Variants in ZNF385D observed in about 807,000 individuals in gnomAD.
ZNF385D encodes zinc finger protein 385D.
ZNF385D carries 15 observed loss-of-function variants against 35.8 expected under a neutral mutation model. The observed-to-expected ratio is 0.42, with a 90% CI of 0.28 to 0.64. ZNF385D has a LOEUF of 0.64. Ranked by LOEUF, ZNF385D falls within the 30% of genes least tolerant of loss-of-function variation. The probability of loss-of-function intolerance (pLI) is 0.23; values close to 1 mark genes in which losing one functional copy is unlikely to be tolerated. For synonymous variants in ZNF385D, 212 were observed against 186.8 expected (o/e 1.13, Z -1.10); for missense variants, 474 against 494.6 (o/e 0.96, Z 0.39).
At chr3:22,029,442 G>GA (rs1020504985) in intron 3 of ZNF385D, among the ~76,000 whole-genome samples, 9 of 152,260 alleles carry the variant, frequency 5.9e-5, no homozygotes, top group Admixed American at 1.3e-4. Flanking sequence ...ACTCCAGCAG[G>GA]AAAAAACCCG....
rs183714543 is a variant in ZNF385D, at chr3:22,112,046, C to T, written c.325+56771G>A. ...CTGCTCTACTCTAATCTTAAAGGAC[C>T]ACAACAAAATTTACTTTACTTGAGC... On this transcript the variant is annotated intron_variant, in intron 3 of 5. Coordinates refer to the ZNF385D transcript ENST00000494108. Among the ~76,000 whole-genome samples the T allele has an allele frequency of 1.3e-3, 192 of 152,162 alleles. 1 individual carries two copies. In the Middle Eastern group the frequency reaches 0.014, roughly 11 times the overall value.
Position 21,684,214 on chromosome 3 carries a change from C to T in ZNF385D, c.23-19186G>A, listed in dbSNP as rs758792468. 1.9e-4 allele frequency among the ~76,000 whole-genome samples: 28 copies of T among 148,958 alleles called. 1 individual carries two copies. Among genetic ancestry groups the T allele is most frequent in the Middle Eastern group, 6.8e-3 (2 of 292 alleles). On this transcript the variant is annotated intron_variant, in intron 1 of 7. Transcript: ENST00000281523. ...CTCCTGGCCCCTTTAGTTTATAAAG[C>T]GCCATGTTTAGGAGTTGTCTCTCTT...
At chr3:21,937,569 T>C (rs1466241588) in intron 3 of ZNF385D, among the ~76,000 whole-genome samples, 1 of 152,200 alleles carries the variant, frequency 6.6e-6, no homozygotes, top group Non-Finnish European at 1.5e-5. Flanking sequence ...CTTCTCACTA[T>C]TGTTTGAATT....
At chr3:22,044,176 A>G (rs1396127416) in intron 3 of ZNF385D, among the ~76,000 whole-genome samples, 1 of 151,964 alleles carries the variant, frequency 6.6e-6, no homozygotes, top group Non-Finnish European at 1.5e-5. Flanking sequence ...GGATAGTCAC[A>G]AAAGTACTCC....
At chr3:22,092,398 G>C (rs566133874) in intron 3 of ZNF385D, among the ~76,000 whole-genome samples, 1 of 152,162 alleles carries the variant, frequency 6.6e-6, no homozygotes, top group East Asian at 1.9e-4. Context: ...GCCAGCTCCA[G>C]GTATCCAGAC....
chr3:21,841,477 G>A (rs2673522), intron 3 of ZNF385D, among the ~76,000 whole-genome samples: 1 of 151,638 alleles, frequency 6.6e-6, no homozygotes, highest in African/African-American at 2.4e-5. Context: ...ATCTTCCCAC[G>A]GAGCATTCTA....
At chr3:22,211,162 A>G (rs1697493776) in intron 2 of ZNF385D, among the ~76,000 whole-genome samples, 1 of 151,948 alleles carries the variant, frequency 6.6e-6, no homozygotes, top group South Asian at 2.1e-4. Flanking sequence ...GAGATTATAA[A>G]TTTCTCAAAA....
intron 2 of ZNF385D, among the ~76,000 whole-genome samples, chr3:22,278,686 ACTT>A: frequency 6.6e-6 from 1 of 151,960 alleles, no homozygotes; most frequent in South Asian, 2.1e-4. Context: ...GACACTCTCC[ACTT>A]CTTTTTCATT....
At chr3:21,767,150 T>C (rs1005752868) in intron 3 of ZNF385D, among the ~76,000 whole-genome samples, 2 of 151,316 alleles carry the variant, frequency 1.3e-5, no homozygotes, top group East Asian at 2.0e-4. Context: ...GCAAATATTG[T>C]CAATTGAGAG....
chr3:21,742,210 T>C (rs2069548979), intron 1 of ZNF385D, among the ~76,000 whole-genome samples: 1 of 152,206 alleles, frequency 6.6e-6, no homozygotes, highest in African/African-American at 2.4e-5. Context: ...TATTAAGTAC[T>C]GATGCAAAGA....
At chr3:22,245,984 T>C (rs1265936653) in intron 2 of ZNF385D, among the ~76,000 whole-genome samples, 1 of 152,066 alleles carries the variant, frequency 6.6e-6, no homozygotes, top group East Asian at 1.9e-4. Flanking sequence ...TCCCAACCAA[T>C]CTCAGTGACA....
chr3:21,561,138 T>C (rs1045320949), intron 3 of ZNF385D, among the ~76,000 whole-genome samples: 1 of 152,148 alleles, frequency 6.6e-6, no homozygotes, highest in African/African-American at 2.4e-5. Flanking sequence ...TCAGCCCCTT[T>C]CCGGGGGAGT....
intron 3 of ZNF385D, among the ~76,000 whole-genome samples, chr3:22,028,008 A>G (rs1697674218): frequency 6.6e-6 from 1 of 152,148 alleles, no homozygotes; most frequent in Admixed American, 6.5e-5. Context: ...AACTTCGAGC[A>G]GTGCACCTGG....
intron 3 of ZNF385D, among the ~76,000 whole-genome samples, chr3:22,022,242 G>T (rs1697264519): frequency 6.6e-6 from 1 of 152,052 alleles, no homozygotes; most frequent in African/African-American, 2.4e-5. Flanking sequence ...CTGGCACATG[G>T]TTAAGCTTCA....
At chr3:21,751,312 C>T, upstream of ZNF385D, 1 of 1,071,442 alleles carries the variant, frequency 9.3e-7, no homozygotes, top group Non-Finnish European at 1.1e-6. Context: ...AACCATGGCT[C>T]TCGGGAAGCT....
intron 3 of ZNF385D, among the ~76,000 whole-genome samples, chr3:21,975,741 A>ATATATATGTG (rs1553711026): frequency 1.3e-4 from 11 of 81,544 alleles, no homozygotes; most frequent in Non-Finnish European, 2.4e-4. Context: ...ATATATATAT[A>ATATATATGTG]TATATATATA....
At chr3:21,781,256 A>G (rs1022933644) in intron 3 of ZNF385D, among the ~76,000 whole-genome samples, 2 of 152,102 alleles carry the variant, frequency 1.3e-5, no homozygotes, top group African/African-American at 4.8e-5. Flanking sequence ...GGAAAGAAAA[A>G]ATAATATTTT....
In ZNF385D at chr3:21,561,354, A is replaced by G. The variant is rs140261111; in HGVS notation, c.276+3220T>C. Reference sequence around the variant, plus strand: ...CACAGTATCTGGGCTGGAGCGCACAATTCCTCATGGCACAGTCCCTCACAG... The same window carrying G: ...CACAGTATCTGGGCTGGAGCGCACAGTTCCTCATGGCACAGTCCCTCACAG... On this transcript the variant is annotated intron_variant, in intron 3 of 7. Transcript: ENST00000281523. Among the ~76,000 whole-genome samples, 301 of 152,236 alleles carry G rather than the reference A, an allele frequency of 2.0e-3. 3 individuals are homozygous for G. The highest frequency in any genetic ancestry group is 7.0e-3 in the African/African-American group (292 of 41,534).
At chr3:21,766,189 G>C (rs191392042) in intron 3 of ZNF385D, among the ~76,000 whole-genome samples, 430 of 152,184 alleles carry the variant, frequency 2.8e-3, no homozygotes, top group Non-Finnish European at 4.7e-3. Flanking sequence ...CAGATCTCCA[G>C]ATGAGAGACC....
Sources: allele counts gnomAD v4.1 joint callset (sites outside exome capture counted in the v4.1 genomes callset), GRCh38; gene constraint gnomAD v4.1.1; transcripts MANE v1.5; gene names NCBI Gene and HGNC (gene_info 2026-07-23, HGNC 2026-07-21).